Variants in FFAR4 observed in about 807,000 individuals in gnomAD.
FFAR4 encodes G-protein coupled receptor 120.
FFAR4 carries 19 observed loss-of-function variants against 27.0 expected under a neutral mutation model. The ratio of observed to expected loss-of-function variants is 0.70; its 90% CI spans 0.49 to 1.03. FFAR4 has a LOEUF of 1.03. Among genes scored for constraint, FFAR4 ranks in the 50% least tolerant of loss-of-function variants. The probability of loss-of-function intolerance (pLI) is 0.00; values close to 1 mark genes in which losing one functional copy is unlikely to be tolerated. For synonymous variants in FFAR4, 254 were observed against 215.6 expected (o/e 1.18, Z -1.56); for missense variants, 476 against 479.0 (o/e 0.99, Z 0.06).
rs758057871 is a variant in FFAR4 at position 93,566,735 on chromosome 10, C to A, written c.15C>A (p.Cys5Ter). 42 of 1,595,826 alleles carry A rather than the reference C, an allele frequency of 2.6e-5. No homozygotes were observed. The highest frequency in any genetic ancestry group is 9.0e-5 in the East Asian group (4 of 44,482). The change falls in exon 1 of 3, where the codon TGC (cysteine) becomes TGA (stop). Residue 5 changes from cysteine (C) to a stop codon, truncating the protein, a stop_gained. Coordinates refer to ENST00000371481, the MANE Select transcript of FFAR4 (RefSeq NM_001195755.2). LOFTEE classifies it high-confidence loss of function. MSPE[C>*]ARAAGDAPLR... ...AGGCGCCGGGAATGTCCCCTGAATG[C>A]GCGCGGGCAGCGGGCGACGCGCCCT...
In FFAR4 at chr10:93,576,135, G is replaced by T; in HGVS notation, c.612G>T (p.Glu204Asp). The change falls in exon 2 of 3, where the codon GAG (glutamate) becomes GAT (aspartate). Residue 204 changes from glutamate to aspartate, a missense_variant. Physicochemically the swap from Glu to Asp is conservative, Grantham distance 45. Coordinates refer to ENST00000371481, the MANE Select transcript of FFAR4 (RefSeq NM_001195755.2). ...TGATTTGGCCCACCATTCCTGGAGA[G>T]ATCTCGTGGGATGTCTCTTTTGTTA... is the stretch of plus-strand genomic sequence containing the variant. ...CTLIWPTIPG[E>D]ISWDVSFVTL... 1 of 1,613,634 alleles carries T rather than the reference G, an allele frequency of 6.2e-7. No individual in the cohort carries two copies. The highest frequency in any genetic ancestry group is 8.5e-7 in the Non-Finnish European group (1 of 1,179,520).
chr10:93,575,078 G>T (rs2058156133), intron 1 of FFAR4, among the ~76,000 whole-genome samples: 1 of 152,200 alleles, frequency 6.6e-6, no homozygotes, highest in Non-Finnish European at 1.5e-5. Context: ...TGAATGAATG[G>T]TACTTCAGAT....
intron 1 of FFAR4, among the ~76,000 whole-genome samples, chr10:93,568,419 C>T (rs546883190): frequency 6.6e-6 from 1 of 152,140 alleles, no homozygotes; most frequent in Non-Finnish European, 1.5e-5. Flanking sequence ...CCTGGAACCC[C>T]CTACCCTTAA....
chr10:93,572,222 G>A (rs1238065314), intron 1 of FFAR4, among the ~76,000 whole-genome samples: 1 of 152,174 alleles, frequency 6.6e-6, no homozygotes, highest in Admixed American at 6.5e-5. Context: ...GCTGTGGAAA[G>A]GTCTCTGCTG....
In FFAR4 at chr10:93,566,887, T is replaced by C; in HGVS notation, c.167T>C (p.Leu56Pro). 6.2e-7 allele frequency: 1 copy of C among 1,605,478 alleles called. No homozygotes were observed. Among genetic ancestry groups the C allele is most frequent in the Non-Finnish European group, 8.5e-7 (1 of 1,177,372 alleles). Residue 56 changes from leucine to proline, a missense_variant, in exon 1 of 3, where the codon CTG becomes CCG. Leu to Pro is a moderately conservative substitution (Grantham distance 98). Transcript: ENST00000371481. ...VLVLIFAVSL[L>P]GNVCALVLVA... The stretch of plus-strand genomic sequence containing the variant: ...GTGCTCATCTTTGCAGTGTCGCTGC[T>C]GGGCAACGTGTGCGCCCTGGTGCTG...
chr10:93,580,777 C>T (rs1457566060), intron 2 of FFAR4, among the ~76,000 whole-genome samples: 1 of 152,252 alleles, frequency 6.6e-6, no homozygotes, highest in Non-Finnish European at 1.5e-5. Context: ...CCCTACTGCC[C>T]ACCCTTCAGG....
At chr10:93,570,273 T>A (rs2058124524) in intron 1 of FFAR4, among the ~76,000 whole-genome samples, 1 of 151,564 alleles carries the variant, frequency 6.6e-6, no homozygotes. Context: ...TAAGGGTTGT[T>A]GCCTGAATAC....
At chr10:93,573,895 C>T (rs2058146709) in intron 1 of FFAR4, among the ~76,000 whole-genome samples, 1 of 152,172 alleles carries the variant, frequency 6.6e-6, no homozygotes, top group Admixed American at 6.5e-5. Context: ...GTTTGATCAT[C>T]ATTTCACTTA....
rs576846656 is a variant in FFAR4 at position 93,579,252 on chromosome 10, T to C, written c.696+3033T>C. The C allele has an allele frequency of 3.8e-5, 57 of 1,514,142 alleles. 1 individual carries two copies. In the East Asian group the frequency reaches 7.2e-4, roughly 19 times the overall value. 93.8% of individuals were successfully genotyped at this position (1,514,142 alleles called of 1,614,324 possible). A position where few individuals can be genotyped will look rare whatever the true frequency, so the allele number is the denominator to read the frequency against. ...ACAGAGTAACAGAGCAAATATGTAA[T>C]TTACATTCCATCACCACCCTCACCT... On this transcript the variant is annotated intron_variant, in intron 2 of 2. Coordinates refer to ENST00000371481, the MANE Select transcript of FFAR4 (RefSeq NM_001195755.2).
At chr10:93,586,794 T>C (rs1589680528) in intron 2 of FFAR4, among the ~76,000 whole-genome samples, 1 of 152,284 alleles carries the variant, frequency 6.6e-6, no homozygotes, top group South Asian at 2.1e-4. Context: ...GGGAAAATAC[T>C]CACGTTAGTC....
At chr10:93,568,135 C>G (rs974817688) in intron 1 of FFAR4, among the ~76,000 whole-genome samples, 1 of 152,120 alleles carries the variant, frequency 6.6e-6, no homozygotes, top group Non-Finnish European at 1.5e-5. Flanking sequence ...TCCGGAATCC[C>G]GAGCTCGGGT....
At chr10:93,572,068 G>T (rs2058134855) in intron 1 of FFAR4, among the ~76,000 whole-genome samples, 1 of 152,188 alleles carries the variant, frequency 6.6e-6, no homozygotes, top group Non-Finnish European at 1.5e-5. Flanking sequence ...TGGCAATTTT[G>T]TCCTGAGCAC....
At chr10:93,573,236 G>C (rs914476353) in intron 1 of FFAR4, among the ~76,000 whole-genome samples, 1 of 152,232 alleles carries the variant, frequency 6.6e-6, no homozygotes, top group African/African-American at 2.4e-5. Flanking sequence ...ACCACGTCTG[G>C]AGTCGGGTGG....
At chr10:93,573,070 G>A (rs1347762160) in intron 1 of FFAR4, among the ~76,000 whole-genome samples, 1 of 152,006 alleles carries the variant, frequency 6.6e-6, no homozygotes, top group African/African-American at 2.4e-5. Flanking sequence ...AACCCCCCCT[G>A]GGTGGCTCTA....
chr10:93,566,716 C>G lies in FFAR4; in HGVS notation c.-5C>G. 1.3e-6 allele frequency: 2 copies of G among 1,571,142 alleles called. No individual in the cohort carries two copies. Among genetic ancestry groups the G allele is most frequent in the Non-Finnish European group, 8.6e-7 (1 of 1,163,578 alleles). The stretch of plus-strand genomic sequence containing the variant: ...CAGACCGCTGCGGGCCGCCAGGCGC[C>G]GGGAATGTCCCCTGAATGCGCGCGG... On this transcript the variant is annotated 5_prime_UTR_variant, in exon 1 of 3. Transcript: ENST00000371481.
chr10:93,579,883 G>T (rs74231321), intron 2 of FFAR4, among the ~76,000 whole-genome samples: 3 of 152,200 alleles, frequency 2.0e-5, no homozygotes, highest in Non-Finnish European at 4.4e-5. Flanking sequence ...CCTCAGTTTC[G>T]CAGGAGCCAA....
At chr10:93,583,237 C>G (rs2058209389) in intron 2 of FFAR4, among the ~76,000 whole-genome samples, 2 of 107,406 alleles carry the variant, frequency 1.9e-5, no homozygotes, top group African/African-American at 4.0e-5. Context: ...CCCGTCTCTA[C>G]TAAAAATACA....
rs530755503 is a variant in FFAR4, at chr10:93,569,155, A to G, written c.567+1868A>G. ...CACAGTACTTCTATATTTCTCACAG[A>G]ACTTGAGGTATTTCACCTCATTTTC... On this transcript the variant is annotated intron_variant, in intron 1 of 2. Transcript: ENST00000371481. 2.0e-5 allele frequency among the ~76,000 whole-genome samples: 3 copies of G among 152,268 alleles called. No individual in the cohort carries two copies. In the South Asian group the frequency reaches 6.2e-4, roughly 32 times the overall value.
At chr10:93,569,417 G>A (rs2058119316) in intron 1 of FFAR4, among the ~76,000 whole-genome samples, 1 of 152,152 alleles carries the variant, frequency 6.6e-6, no homozygotes, top group African/African-American at 2.4e-5. Flanking sequence ...GGGTGAGAAG[G>A]CCTTGGCATA....
Sources: allele counts gnomAD v4.1 joint callset (sites outside exome capture counted in the v4.1 genomes callset), GRCh38; gene constraint gnomAD v4.1.1; transcripts MANE v1.5; gene names NCBI Gene and HGNC (gene_info 2026-07-23, HGNC 2026-07-21).